ANKRD11: variants seen among roughly 807,000 people sequenced by gnomAD.
The protein encoded by ANKRD11 is ankyrin repeat domain-containing protein 11.
ANKRD11 carries 17 observed loss-of-function variants against 195.7 expected under a neutral mutation model. That is an observed-to-expected ratio of 0.09 (90% CI 0.06 to 0.13). The LOEUF (loss-of-function observed/expected upper bound fraction) is 0.13. Among genes scored for constraint, ANKRD11 ranks in the 10% least tolerant of loss-of-function variants. The probability of loss-of-function intolerance (pLI) is 1.00; values close to 1 mark genes in which losing one functional copy is unlikely to be tolerated. For synonymous variants in ANKRD11, 1,953 were observed against 1,528.1 expected, an observed-to-expected ratio of 1.28 and a Z score of -6.49; for missense variants, 3,735 against 3,566.1, an observed-to-expected ratio of 1.05 and a Z score of -1.21.
intron 1 of ANKRD11, among the ~76,000 whole-genome samples, chr16:89,435,798 A>ACT (rs2043190567): frequency 8.2e-6 from 1 of 121,692 alleles, no homozygotes; most frequent in African/African-American, 3.7e-5. Context: ...CCAGCTCTTC[A>ACT]CACACACACA....
chr16:89,315,632 G>C (rs538151457), intron 3 of ANKRD11, among the ~76,000 whole-genome samples: 1 of 152,366 alleles, frequency 6.6e-6, no homozygotes, highest in South Asian at 2.1e-4. Flanking sequence ...AACCCACCCA[G>C]CCCTGCACAC....
intron 2 of ANKRD11, among the ~76,000 whole-genome samples, chr16:89,384,878 T>C (rs1376484935): frequency 1.7e-5 from 2 of 118,132 alleles, no homozygotes; most frequent in African/African-American, 3.4e-5. Flanking sequence ...GAAATAGTTT[T>C]CTTTTTTTTT....
chr16:89,282,864 C>A lies in ANKRD11; in HGVS notation c.3678G>T (p.Val1226=). 1 of 1,612,716 alleles carries A rather than the reference C, an allele frequency of 6.2e-7. No homozygotes were observed. The highest frequency in any genetic ancestry group is 8.5e-7 in the Non-Finnish European group (1 of 1,180,022). The change falls in exon 9 of 13, where the codon GTG becomes GTT. Residue 1226 remains valine (V), a synonymous_variant. Coordinates refer to ENST00000301030, the MANE Select transcript of ANKRD11 (RefSeq NM_013275.6). ...TATTTTTCTTATCTTGCGTGGAGTC[C>A]ACTGAGGCTCTGTCCTTCCTGTCCT... is the stretch of plus-strand genomic sequence containing the variant. The part of the protein sequence containing the change: ...KYKDRKDRAS[V]DSTQDKKNKQ...
chr16:89,447,237 A>G (rs1001609613), intron 1 of ANKRD11, among the ~76,000 whole-genome samples: 5 of 152,190 alleles, frequency 3.3e-5, no homozygotes, highest in African/African-American at 1.2e-4. Flanking sequence ...CCTGTCTCCT[A>G]CTACCCCATT....
At chr16:89,305,835 C>T (rs1298556005) in intron 3 of ANKRD11, among the ~76,000 whole-genome samples, 1 of 126,422 alleles carries the variant, frequency 7.9e-6, no homozygotes, top group Non-Finnish European at 1.7e-5. Context: ...CCTCCCACTC[C>T]GCAGACACGC....
chr16:89,432,014 A>C (rs1265591316), intron 1 of ANKRD11, among the ~76,000 whole-genome samples: 2 of 152,062 alleles, frequency 1.3e-5, no homozygotes, highest in African/African-American at 4.8e-5. Context: ...TCCCTACTGC[A>C]ACCGCTCTGA....
chr16:89,334,781 C>T (rs1453709099), intron 2 of ANKRD11, among the ~76,000 whole-genome samples: 1 of 152,116 alleles, frequency 6.6e-6, no homozygotes. Context: ...AAAAGCCCAC[C>T]CACGTGTCCA....
intron 1 of ANKRD11, among the ~76,000 whole-genome samples, chr16:89,478,666 TA>T (rs1380672037): frequency 2.6e-5 from 4 of 152,238 alleles, no homozygotes; most frequent in African/African-American, 7.2e-5. Flanking sequence ...AGCAGCCGGC[TA>T]CGCGCAGCTC....
chr16:89,268,725 C>T (rs1367398447), intron 12 of ANKRD11, 62 bp from the exon 13 acceptor site: 8 of 1,534,624 alleles, frequency 5.2e-6, no homozygotes, highest in South Asian at 4.8e-5. Flanking sequence ...CAGACTCTGC[C>T]GACCTCAGCT....
intron 2 of ANKRD11, among the ~76,000 whole-genome samples, chr16:89,409,690 A>G (rs183408058): frequency 1.3e-5 from 2 of 152,154 alleles, no homozygotes; most frequent in African/African-American, 4.8e-5. Context: ...TCGTGTTACT[A>G]AAAGTTTCCA....
Position 89,379,487 on chromosome 16 carries a change from A to G in ANKRD11, c.-60+38797T>C, listed in dbSNP as rs2040555796. Among the ~76,000 whole-genome samples the G allele has an allele frequency of 2.0e-5, 3 of 152,200 alleles. No homozygotes were observed. The South Asian group carries it at 6.2e-4, about 31-fold the overall frequency. ...TGTAACTCTGCTTTCCAGGAGTCCAACTTGAACATTTTTTTAAAGAGACAA... is the reference window on the plus strand; with the variant it reads ...TGTAACTCTGCTTTCCAGGAGTCCAGCTTGAACATTTTTTTAAAGAGACAA... On this transcript the variant is annotated intron_variant, in intron 2 of 12. Transcript: ENST00000301030.
At chr16:89,313,553 G>T in intron 3 of ANKRD11, 1 of 1,289,136 alleles carries the variant, frequency 7.8e-7, no homozygotes, top group East Asian at 5.5e-5. Context: ...CATCTTCCAC[G>T]TATATGTCAC....
Position 89,285,565 on chromosome 16 carries a change from C to T in ANKRD11, c.977G>A (p.Gly326Asp). 1 of 1,614,124 alleles carries T rather than the reference C, an allele frequency of 6.2e-7. No homozygotes were observed. Among genetic ancestry groups the T allele is most frequent in the Non-Finnish European group, 8.5e-7 (1 of 1,180,012 alleles). The change falls in exon 9 of 13, where the codon GGC becomes GAC. Residue 326 changes from glycine to aspartate, a missense_variant. Coordinates refer to ENST00000301030, the MANE Select transcript of ANKRD11 (RefSeq NM_013275.6). This position sits in a 1 kb window ranked among gnomAD's most constrained non-coding sequence, Gnocchi z 5.6. Reference sequence around the variant, plus strand: ...TGGGTTCTTGGCCTTGTGCTTGAGGCCTTTTTCGAACTCGGAGTCCGTGTT... The same window carrying T: ...TGGGTTCTTGGCCTTGTGCTTGAGGTCTTTTTCGAACTCGGAGTCCGTGTT... ...GNNTDSEFEK[G>D]LKHKAKNPEP...
chr16:89,483,782 C>T (rs1395827396), intron 1 of ANKRD11, among the ~76,000 whole-genome samples: 1 of 146,754 alleles, frequency 6.8e-6, no homozygotes, highest in East Asian at 2.0e-4. Context: ...GAGCCAAGAT[C>T]ATGCCTGGGC....
chr16:89,302,883 G>A (rs2035942186), intron 4 of ANKRD11, among the ~76,000 whole-genome samples: 1 of 152,130 alleles, frequency 6.6e-6, no homozygotes, highest in Admixed American at 6.5e-5. Context: ...GCAGTTCCAG[G>A]AGCACCCAGG....
chr16:89,443,669 A>G (rs2043635967), intron 1 of ANKRD11, among the ~76,000 whole-genome samples: 1 of 152,192 alleles, frequency 6.6e-6, no homozygotes, highest in Non-Finnish European at 1.5e-5. Flanking sequence ...AAGCCTTTTC[A>G]ACCAGTTTTT....
At chr16:89,271,622 A>G (rs894694524) in intron 11 of ANKRD11, 23 of 156,066 alleles carry the variant, frequency 1.5e-4, no homozygotes, top group African/African-American at 5.5e-4. Flanking sequence ...CAAAGGTGCC[A>G]AGAACAGAAT....
chr16:89,387,119 G>A (rs950393012), intron 2 of ANKRD11, among the ~76,000 whole-genome samples: 9 of 152,268 alleles, frequency 5.9e-5, no homozygotes, highest in South Asian at 2.1e-4. Context: ...GCCAAGAGCA[G>A]CGAGGGTGGG....
At chr16:89,316,033 C>G (rs969042095) in intron 3 of ANKRD11, among the ~76,000 whole-genome samples, 12 of 152,246 alleles carry the variant, frequency 7.9e-5, no homozygotes, top group Middle Eastern at 3.4e-3. Flanking sequence ...GAGGGTCAGA[C>G]AGGTCACAGA....
Sources: gnomAD v4.1 joint callset for allele counts (sites outside exome capture counted in the v4.1 genomes callset) on GRCh38, gnomAD v4.1.1 for gene constraint, Gnocchi (gnomAD v3.1) non-coding constraint, MANE v1.5 for transcripts, NCBI Gene and HGNC (gene_info 2026-07-23, HGNC 2026-07-21) for gene names.